Variants in SLC2A5 observed in about 807,000 individuals in gnomAD.
SLC2A5 encodes solute carrier family 2, facilitated glucose transporter member 5.
Under a neutral mutation model 50.3 loss-of-function variants are expected in SLC2A5, and 56 were observed. The ratio of observed to expected loss-of-function variants is 1.11; its 90% CI spans 0.90 to 1.39. The LOEUF is 1.39. Ranked by LOEUF, SLC2A5 falls within the 40% of genes most tolerant of loss-of-function variation. The pLI is 0.00. For missense variants in SLC2A5, 566 were observed against 650.1 expected, an observed-to-expected ratio of 0.87 and a Z score of 1.41; for synonymous variants, 269 against 281.9, an observed-to-expected ratio of 0.95 and a Z score of 0.46.
intron 4 of SLC2A5, among the ~76,000 whole-genome samples, chr1:9,047,174 C>T (rs1641456023): frequency 6.6e-6 from 1 of 152,306 alleles, no homozygotes; most frequent in South Asian, 2.1e-4. Flanking sequence ...CAGGGTTTCA[C>T]TGTGTTGCCC....
upstream of SLC2A5, chr1:9,072,028 C>T (rs559319049): frequency 3.2e-5 from 5 of 154,952 alleles, no homozygotes; most frequent in African/African-American, 1.2e-4. Flanking sequence ...CCGCCTTTGC[C>T]CGAGTCCCCC....
chr1:9,039,631 C>G lies in SLC2A5; in HGVS notation c.917G>C (p.Ser306Thr), dbSNP rs918367474. Residue 306 changes from serine to threonine, a missense_variant, in exon 8 of 12, where the codon AGC (serine) becomes ACC (threonine). Physicochemically the swap from Ser to Thr is moderately conservative, Grantham distance 58 (BLOSUM62 1). Coordinates refer to ENST00000377424, the MANE Select transcript of SLC2A5 (RefSeq NM_003039.3). ...CACGTGCTCCTCCGGCACGCCGGCG[C>G]TCAGGTAGATCTGGTCCGCGTAGTA... ...IYYYADQIYL[S>T]AGVPEEHVQY... 2 of 1,562,548 alleles carry G rather than the reference C, an allele frequency of 1.3e-6. No homozygotes were observed. Among genetic ancestry groups the G allele is most frequent in the Admixed American group, 3.8e-5 (2 of 53,004 alleles).
In SLC2A5 at chr1:9,086,546, G is replaced by A. The variant is rs141939592; in HGVS notation, c.-187-1404C>T. 4.1e-3 allele frequency among the ~76,000 whole-genome samples: 623 copies of A among 151,998 alleles called. 8 individuals are homozygous for A. The highest frequency in any genetic ancestry group is 0.014 in the African/African-American group (597 of 41,428). On this transcript the variant is annotated intron_variant, in intron 1 of 5. Coordinates refer to the SLC2A5 transcript ENST00000464985. ...TAGGATTACAGGCATGCACCACCAC[G>A]CCTGGCTAAGTTTTGTATTTTTTTA...
chr1:9,069,478 C>T lies in SLC2A5; in HGVS notation c.33+26G>A, dbSNP rs748416069. The T allele has an allele frequency of 1.1e-5, 17 of 1,613,090 alleles. 1 individual carries two copies. The South Asian group carries it at 1.9e-4, about 18-fold the overall frequency. On this transcript the variant is annotated intron_variant, in intron 1 of 11. Coordinates refer to ENST00000377424, the MANE Select transcript of SLC2A5 (RefSeq NM_003039.3). ...CCCTGGCAGCCAAGCCTGCTCTTGG[C>T]CCCTTTCCCTGAGCAACACACTCAC...
intron 3 of SLC2A5, among the ~76,000 whole-genome samples, chr1:9,054,018 A>G (rs1641693117): frequency 6.6e-6 from 1 of 152,150 alleles, no homozygotes; most frequent in Non-Finnish European, 1.5e-5. Flanking sequence ...TTAAAAACGT[A>G]GCAGGTTTAT....
intron 3 of SLC2A5, chr1:9,048,980 C>G (rs1190927024): frequency 2.0e-5 from 7 of 357,570 alleles, no homozygotes; most frequent in Non-Finnish European, 2.8e-5. Flanking sequence ...CCAGCCTTAA[C>G]AAACTATAAA....
At chr1:9,070,399 G>A (rs1205502411), upstream of SLC2A5, among the ~76,000 whole-genome samples, 1 of 152,062 alleles carries the variant, frequency 6.6e-6, no homozygotes, top group Non-Finnish European at 1.5e-5. Flanking sequence ...TCCATTTTAA[G>A]GAGCTCAGAA....
At chr1:9,058,089 C>A in intron 2 of SLC2A5, 63 bp downstream of exon 2, 1 of 1,266,010 alleles carries the variant, frequency 7.9e-7, no homozygotes, top group South Asian at 1.2e-5. Flanking sequence ...GCTGGCCAGT[C>A]CCACCCAGGC....
At chr1:9,071,072 C>G (rs908690433), upstream of SLC2A5, among the ~76,000 whole-genome samples, 2 of 152,126 alleles carry the variant, frequency 1.3e-5, no homozygotes, top group Admixed American at 1.3e-4. Context: ...AGGAAATCAA[C>G]GATGGGGGAG....
chr1:9,049,618 G>A lies in SLC2A5; in HGVS notation c.294-1884C>T, dbSNP rs375513232. 6.6e-5 allele frequency among the ~76,000 whole-genome samples: 10 copies of A among 151,554 alleles called. No individual in the cohort carries two copies. The East Asian group carries it at 1.2e-3, about 18-fold the overall frequency. On this transcript the variant is annotated intron_variant, in intron 3 of 11. Coordinates refer to ENST00000377424, the MANE Select transcript of SLC2A5 (RefSeq NM_003039.3). Reference sequence around the variant, plus strand: ...CTCGGGAGGCTGAGGCATGAGAATCGCTTGAACCTGGAAGGCGGAGGTTGC... The same window carrying A: ...CTCGGGAGGCTGAGGCATGAGAATCACTTGAACCTGGAAGGCGGAGGTTGC...
chr1:9,043,433 G>T (rs138355696), intron 4 of SLC2A5, among the ~76,000 whole-genome samples: 1 of 152,266 alleles, frequency 6.6e-6, no homozygotes, highest in East Asian at 1.9e-4. Context: ...GCATGTCTAG[G>T]TGGGAAGAGG....
chr1:9,045,995 G>A (rs1230127350), intron 4 of SLC2A5, among the ~76,000 whole-genome samples: 1 of 152,042 alleles, frequency 6.6e-6, no homozygotes, highest in Admixed American at 6.5e-5. Context: ...GTCTCTGTTT[G>A]GGAAATGTCT....
At chr1:9,084,286 C>T (rs371388718) in intron 2 of SLC2A5, among the ~76,000 whole-genome samples, 26 of 152,344 alleles carry the variant, frequency 1.7e-4, no homozygotes, top group African/African-American at 5.3e-4. Flanking sequence ...ATAAATATCC[C>T]ACCCCTTGGT....
At chr1:9,041,670 A>G (rs373326716) in intron 5 of SLC2A5, 115 bp downstream of exon 5, 1 of 1,581,736 alleles carries the variant, frequency 6.3e-7, no homozygotes, top group African/African-American at 1.3e-5. Flanking sequence ...CCAGCCTGTT[A>G]GAAGAGACCA....
At chr1:9,093,100 T>C (rs1175704608), upstream of SLC2A5, among the ~76,000 whole-genome samples, 2 of 152,102 alleles carry the variant, frequency 1.3e-5, no homozygotes, top group Non-Finnish European at 2.9e-5. Context: ...CCATTTCATT[T>C]GGGAATACGC....
At chr1:9,081,498 A>T (rs1164250008) in intron 2 of SLC2A5, among the ~76,000 whole-genome samples, 2 of 150,358 alleles carry the variant, frequency 1.3e-5, no homozygotes, top group Non-Finnish European at 3.0e-5. Flanking sequence ...AAGTAAAAAG[A>T]CAAGAGACTA....
At chr1:9,054,645 C>G (rs1056079493) in intron 3 of SLC2A5, among the ~76,000 whole-genome samples, 15 of 152,132 alleles carry the variant, frequency 9.9e-5, no homozygotes, top group African/African-American at 3.6e-4. Context: ...ATAGAAGAGG[C>G]TAGGCGTAGC....
chr1:9,042,081 T>C, intron 4 of SLC2A5, 144 bp from the exon 5 acceptor site: 1 of 1,205,360 alleles, frequency 8.3e-7, no homozygotes, highest in Non-Finnish European at 1.1e-6. Flanking sequence ...ACACCTCTTT[T>C]AATTCTTAGC....
At chr1:9,063,285 T>C (rs1641991226) in intron 1 of SLC2A5, among the ~76,000 whole-genome samples, 1 of 152,108 alleles carries the variant, frequency 6.6e-6, no homozygotes, top group Non-Finnish European at 1.5e-5. Flanking sequence ...CCCAGGCTGG[T>C]CTCAATCCTC....
Sources: gnomAD v4.1 joint callset for allele counts (sites outside exome capture counted in the v4.1 genomes callset) on GRCh38, gnomAD v4.1.1 for gene constraint, MANE v1.5 for transcripts, NCBI Gene and HGNC (gene_info 2026-07-23, HGNC 2026-07-21) for gene names.